The following GRM8 variants were observed in gnomAD, a reference collection of about 807,000 sequenced individuals.
GRM8 encodes glutamate metabotropic receptor 8.
GRM8 carries 47 observed loss-of-function variants against 87.2 expected under a neutral mutation model. The observed-to-expected ratio is 0.54, with a 90% CI of 0.43 to 0.69. The LOEUF is 0.69. Ranked by LOEUF, GRM8 falls within the 30% of genes least tolerant of loss-of-function variation. GRM8 has a pLI of 0.00. For missense variants in GRM8, 1,019 were observed against 1,139.2 expected (o/e 0.89, Z 1.52); for synonymous variants, 396 against 404.5 (o/e 0.98, Z 0.25).
At chr7:126,592,982 C>G (rs1796831908) in intron 8 of GRM8, among the ~76,000 whole-genome samples, 1 of 151,778 alleles carries the variant, frequency 6.6e-6, no homozygotes, top group Non-Finnish European at 1.5e-5. Flanking sequence ...AGAGAACAAT[C>G]TGAAAAAGTC....
At chr7:127,076,358 A>C (rs1822257346) in intron 3 of GRM8, 1 of 348,176 alleles carries the variant, frequency 2.9e-6, no homozygotes, top group African/African-American at 2.1e-5. Flanking sequence ...AAACACTCAG[A>C]GTATCTGGGG....
chr7:126,975,168 T>C (rs1563371279), intron 3 of GRM8, among the ~76,000 whole-genome samples: 1 of 152,086 alleles, frequency 6.6e-6, no homozygotes, highest in Non-Finnish European at 1.5e-5. Context: ...CCTCTAAACT[T>C]AGAAGAAGAC....
Position 126,533,327 on chromosome 7 carries a change from T to C in GRM8, c.2055A>G (p.Thr685=), listed in dbSNP as rs1815152358. ...ATGCTGGACTAATGAACTTGGGCGCTGTGACAGATTTCTTCCCCTGCTCAA... is the reference window on the plus strand; with the variant it reads ...ATGCTGGACTAATGAACTTGGGCGCCGTGACAGATTTCTTCCCCTGCTCAA... ...RIFEQGKKSV[T]APKFISPASQ... The change falls in exon 9 of 11, where the codon ACA becomes ACG. Residue 685 remains threonine, a synonymous_variant. Coordinates refer to ENST00000339582, the MANE Select transcript of GRM8 (RefSeq NM_000845.3). 1 of 1,613,816 alleles carries C rather than the reference T, an allele frequency of 6.2e-7. No homozygotes were observed. Among genetic ancestry groups the C allele is most frequent in the Non-Finnish European group, 8.5e-7 (1 of 1,179,870 alleles).
intron 6 of GRM8, among the ~76,000 whole-genome samples, chr7:126,776,247 A>G (rs1819455575): frequency 6.6e-6 from 1 of 152,178 alleles, no homozygotes; most frequent in Non-Finnish European, 1.5e-5. Context: ...AAGTGGAAAC[A>G]GGATAACCCA....
At chr7:126,896,399 G>A (rs1801545225) in intron 6 of GRM8, among the ~76,000 whole-genome samples, 1 of 151,968 alleles carries the variant, frequency 6.6e-6, no homozygotes, top group African/African-American at 2.4e-5. Context: ...GGGGATGGCA[G>A]AACGCATTTT....
chr7:127,221,958 G>C (rs1660360421), intron 2 of GRM8, among the ~76,000 whole-genome samples: 1 of 152,168 alleles, frequency 6.6e-6, no homozygotes, highest in Admixed American at 6.5e-5. Flanking sequence ...TGAAGTCAGT[G>C]AATCATCAAG....
At chr7:126,760,916 G>A (rs1817522832) in intron 7 of GRM8, among the ~76,000 whole-genome samples, 1 of 152,080 alleles carries the variant, frequency 6.6e-6, no homozygotes, top group African/African-American at 2.4e-5. Context: ...AGTAGATGAG[G>A]GCGGGCTCGA....
At chr7:126,443,637 A>G (rs1220692038) in intron 10 of GRM8, among the ~76,000 whole-genome samples, 5 of 151,974 alleles carry the variant, frequency 3.3e-5, no homozygotes, top group Non-Finnish European at 7.4e-5. Flanking sequence ...CTTTTTTTTC[A>G]GGCAGTAACT....
chr7:127,129,169 A>G (rs1055358287), intron 2 of GRM8, among the ~76,000 whole-genome samples: 1 of 152,330 alleles, frequency 6.6e-6, no homozygotes, highest in African/African-American at 2.4e-5. Context: ...TAAAGTCAAC[A>G]TTCATATCCT....
chr7:127,076,661 A>G (rs1822296838), intron 3 of GRM8, among the ~76,000 whole-genome samples: 3 of 152,196 alleles, frequency 2.0e-5, no homozygotes, highest in Non-Finnish European at 2.9e-5. Context: ...GGGACCGCCC[A>G]GGAATCTGGT....
intron 7 of GRM8, among the ~76,000 whole-genome samples, chr7:126,653,103 A>C (rs1804101140): frequency 6.6e-6 from 1 of 152,046 alleles, no homozygotes; most frequent in African/African-American, 2.4e-5. Context: ...AAATGGCCAA[A>C]ACCAGCCAGG....
chr7:126,623,427 A>G (rs1450505283), intron 7 of GRM8, among the ~76,000 whole-genome samples: 2 of 152,236 alleles, frequency 1.3e-5, no homozygotes, highest in Admixed American at 6.5e-5. Context: ...CTAAGTCTTC[A>G]AAATCTTATG....
intron 2 of GRM8, among the ~76,000 whole-genome samples, chr7:127,156,085 T>C (rs1274441231): frequency 1.3e-5 from 2 of 152,196 alleles, no homozygotes; most frequent in East Asian, 1.9e-4. Flanking sequence ...ATAAAGACTA[T>C]GAAGAAACTC....
At position 126,802,017 on chromosome 7, in the gene GRM8, G is replaced by C. The variant is rs532553461; in HGVS notation, c.1157-31952C>G. ...TGCAATATTCTGAAGAACAGTGATA[G>C]CTCTACGTTTCCCTTGTTATGTTAG... On this transcript the variant is annotated intron_variant, in intron 6 of 10. Coordinates refer to ENST00000339582, the MANE Select transcript of GRM8 (RefSeq NM_000845.3). Among the ~76,000 whole-genome samples, 8 of 152,278 alleles carry C rather than the reference G, an allele frequency of 5.3e-5. No individual in the cohort carries two copies. In the South Asian group the frequency reaches 1.7e-3, roughly 32 times the overall value.
At chr7:127,174,744 TA>T (rs2116354395) in intron 2 of GRM8, among the ~76,000 whole-genome samples, 1 of 152,202 alleles carries the variant, frequency 6.6e-6, no homozygotes, top group Non-Finnish European at 1.5e-5. Flanking sequence ...GACTATTTCC[TA>T]ACCATGTATA....
chr7:127,168,842 C>T (rs901507942), intron 2 of GRM8, among the ~76,000 whole-genome samples: 54 of 148,928 alleles, frequency 3.6e-4, no homozygotes, highest in African/African-American at 1.1e-3. Context: ...ACATCACACA[C>T]GGGGGCCTGT....
At chr7:126,589,243 G>A (rs1796447522) in intron 8 of GRM8, among the ~76,000 whole-genome samples, 1 of 152,152 alleles carries the variant, frequency 6.6e-6, no homozygotes, top group Non-Finnish European at 1.5e-5. Flanking sequence ...TCTTAGCCCT[G>A]CTTGCCCACT....
intron 3 of GRM8, among the ~76,000 whole-genome samples, chr7:127,019,980 A>C (rs1417132200): frequency 6.6e-6 from 1 of 152,092 alleles, no homozygotes; most frequent in Non-Finnish European, 1.5e-5. Flanking sequence ...ATTTTCATTA[A>C]AAGAAACAGA....
At chr7:127,206,328 T>A (rs1353208163) in intron 2 of GRM8, among the ~76,000 whole-genome samples, 4 of 152,166 alleles carry the variant, frequency 2.6e-5, no homozygotes, top group Admixed American at 2.6e-4. Flanking sequence ...CGGAGTATAT[T>A]AATCCATTTA....
Sources: gnomAD v4.1 joint callset for allele counts (sites outside exome capture counted in the v4.1 genomes callset) on GRCh38, gnomAD v4.1.1 for gene constraint, MANE v1.5 for transcripts, NCBI Gene and HGNC (gene_info 2026-07-23, HGNC 2026-07-21) for gene names.